Variants in GRIK1 observed in about 807,000 individuals in gnomAD.
GRIK1 encodes glutamate ionotropic receptor kainate type subunit 1.
A neutral mutation model predicts 105.7 loss-of-function variants in GRIK1; 69 were observed. The observed-to-expected ratio is 0.65, with a 90% CI of 0.54 to 0.80. The LOEUF (loss-of-function observed/expected upper bound fraction) is 0.80, where lower values mean the gene tolerates loss of function less well. Ranked by LOEUF, GRIK1 falls within the 30% of genes least tolerant of loss-of-function variation. GRIK1 has a pLI of 0.00. For synonymous variants in GRIK1, 438 were observed against 431.3 expected (o/e 1.02, Z -0.19); for missense variants, 1,109 against 1,167.3 (o/e 0.95, Z 0.73).
At chr21:29,654,731 A>C in intron 5 of GRIK1, 79 bp downstream of exon 5, 1 of 836,992 alleles carries the variant, frequency 1.2e-6, no homozygotes, top group Non-Finnish European at 2.1e-6. Flanking sequence ...TGCCTTTGAC[A>C]CTGGTGAGGC....
rs141770554 is a variant in GRIK1 at position 29,661,068 on chromosome 21, A to G, written c.727-6205T>C. On this transcript the variant is annotated intron_variant, in intron 4 of 17. Transcript: ENST00000327783. Reference sequence around the variant, plus strand: ...TGCCTCTTTGGCCATGCAATTTTTAATGGTGGTCATCAGTAGAACAAGATG... The same window carrying G: ...TGCCTCTTTGGCCATGCAATTTTTAGTGGTGGTCATCAGTAGAACAAGATG... Among the ~76,000 whole-genome samples, 27 of 152,286 alleles carry G rather than the reference A, an allele frequency of 1.8e-4. No individual in the cohort carries two copies. In the East Asian group the frequency reaches 4.6e-3, roughly 26 times the overall value.
chr21:29,611,119 A>G (rs2061721159), intron 7 of GRIK1, among the ~76,000 whole-genome samples: 1 of 152,242 alleles, frequency 6.6e-6, no homozygotes, highest in Non-Finnish European at 1.5e-5. Flanking sequence ...TTCGTTTCAA[A>G]GTCACATGGG....
chr21:29,828,847 T>C (rs372996922), intron 1 of GRIK1, among the ~76,000 whole-genome samples: 1 of 152,136 alleles, frequency 6.6e-6, no homozygotes, highest in South Asian at 2.1e-4. Context: ...TGTTCAAATA[T>C]TAGCCCCATT....
chr21:29,716,050 A>T (rs930662101), intron 1 of GRIK1, among the ~76,000 whole-genome samples: 1 of 151,896 alleles, frequency 6.6e-6, no homozygotes, highest in Non-Finnish European at 1.5e-5. Flanking sequence ...TTCTCATGAG[A>T]TCTGATGGTT....
At chr21:29,712,120 A>G (rs924472977) in intron 1 of GRIK1, among the ~76,000 whole-genome samples, 4 of 150,680 alleles carry the variant, frequency 2.7e-5, no homozygotes, top group African/African-American at 9.8e-5. Context: ...ACACACACAC[A>G]CACATATATA....
At chr21:29,601,216 T>A (rs776037150) in intron 7 of GRIK1, 1 of 511,186 alleles carries the variant, frequency 2.0e-6, no homozygotes, top group East Asian at 5.5e-5. Flanking sequence ...ATTTACTCTC[T>A]GCCTGACTGA....
At chr21:29,772,561 A>C (rs549064446) in intron 1 of GRIK1, among the ~76,000 whole-genome samples, 1 of 152,310 alleles carries the variant, frequency 6.6e-6, no homozygotes, top group Non-Finnish European at 1.5e-5. Flanking sequence ...ATCCTTTTGG[A>C]GAGGAACTCA....
chr21:29,661,197 C>G (rs1025220222), intron 4 of GRIK1, among the ~76,000 whole-genome samples: 1 of 152,138 alleles, frequency 6.6e-6, no homozygotes, highest in Non-Finnish European at 1.5e-5. Flanking sequence ...GTGGAATATA[C>G]AGAAAATAGC....
At chr21:29,936,461 CT>C (rs2071759246) in intron 1 of GRIK1, among the ~76,000 whole-genome samples, 1 of 152,192 alleles carries the variant, frequency 6.6e-6, no homozygotes, top group Non-Finnish European at 1.5e-5. Context: ...CACAGACCAA[CT>C]AATTACATAT....
chr21:29,916,116 T>TTTCTTTGAAAAGTTATCTAG (rs2070987004), intron 1 of GRIK1, among the ~76,000 whole-genome samples: 1 of 151,734 alleles, frequency 6.6e-6, no homozygotes, highest in Non-Finnish European at 1.5e-5. Flanking sequence ...ATCTAGTTTC[T>TTTCTTTGAAAAGTTATCTAG]TTTCTTTGAA....
chr21:29,753,579 A>G (rs2065259991), intron 1 of GRIK1, among the ~76,000 whole-genome samples: 1 of 152,242 alleles, frequency 6.6e-6, no homozygotes. Flanking sequence ...AGAAAATTTT[A>G]CCAACTCCCT....
intron 7 of GRIK1, among the ~76,000 whole-genome samples, chr21:29,611,779 A>G (rs886770120): frequency 4.6e-5 from 7 of 152,174 alleles, no homozygotes; most frequent in African/African-American, 1.7e-4. Flanking sequence ...TTACATCCTA[A>G]CTCTAGACTT....
chr21:29,646,726 A>G (rs968522521), intron 6 of GRIK1, among the ~76,000 whole-genome samples: 10 of 152,244 alleles, frequency 6.6e-5, no homozygotes, highest in Non-Finnish European at 1.3e-4. Flanking sequence ...GGTTGATCAC[A>G]CAGGGTCATA....
intron 1 of GRIK1, among the ~76,000 whole-genome samples, chr21:29,926,153 T>C (rs1284292131): frequency 1.3e-5 from 2 of 151,978 alleles, no homozygotes; most frequent in Non-Finnish European, 2.9e-5. Flanking sequence ...AACATATTTC[T>C]GTTAAGATTT....
At chr21:29,928,775 T>C (rs949579020) in intron 1 of GRIK1, among the ~76,000 whole-genome samples, 1 of 152,174 alleles carries the variant, frequency 6.6e-6, no homozygotes, top group Non-Finnish European at 1.5e-5. Flanking sequence ...CATTAGAGGC[T>C]GATACCCAGG....
At chr21:29,591,837 C>T (rs1187099876) in intron 9 of GRIK1, among the ~76,000 whole-genome samples, 1 of 152,048 alleles carries the variant, frequency 6.6e-6, no homozygotes, top group African/African-American at 2.4e-5. Context: ...TCTCTTGAGA[C>T]CAGGTGTTCA....
At chr21:29,798,719 A>G (rs2066623037) in intron 1 of GRIK1, among the ~76,000 whole-genome samples, 1 of 152,092 alleles carries the variant, frequency 6.6e-6, no homozygotes, top group Non-Finnish European at 1.5e-5. Flanking sequence ...GTCTCCAAAT[A>G]CTCCTCGGCA....
At chr21:29,677,803 G>A (rs2063300783) in intron 3 of GRIK1, among the ~76,000 whole-genome samples, 1 of 152,124 alleles carries the variant, frequency 6.6e-6, no homozygotes, top group African/African-American at 2.4e-5. Flanking sequence ...TTAATTGTTT[G>A]GATCGGCCCT....
In GRIK1 at chr21:29,587,402, C is replaced by G. The variant is rs766624314; in HGVS notation, c.1757G>C (p.Cys586Ser). Residue 586 changes from cysteine to serine, a missense_variant, in exon 12 of 18, where the codon TGC becomes TCC. This residue lies in a region of GRIK1 where 264 missense variants were observed against 306.9 expected (regional missense o/e 0.86). Transcript: ENST00000327783. ...AAAGAGTACACAGCTGACTCCCAAG[C>G]AGGCTAAGAGCACATACATCCAAAT... ...PDIWMYVLLA[C>S]LGVSCVLFVI... The G allele has an allele frequency of 1.2e-6, 2 of 1,613,390 alleles. No homozygotes were observed. Among genetic ancestry groups the G allele is most frequent in the Non-Finnish European group, 1.7e-6 (2 of 1,179,366 alleles).
Sources: allele counts gnomAD v4.1 joint callset (sites outside exome capture counted in the v4.1 genomes callset), GRCh38; gene constraint gnomAD v4.1.1; regional missense constraint gnomAD v4.1.1; transcripts MANE v1.5; gene names NCBI Gene and HGNC (gene_info 2026-07-23, HGNC 2026-07-21).